The following CHST9 variants were observed in gnomAD, a reference collection of about 807,000 sequenced individuals.
CHST9 encodes carbohydrate sulfotransferase 9.
Under a neutral mutation model 44.4 loss-of-function variants are expected in CHST9, and 41 were observed. That is an observed-to-expected ratio of 0.92 (90% CI 0.72 to 1.20). The LOEUF is 1.20. CHST9 is among the 50% of genes most tolerant of loss of function. CHST9 has a pLI of 0.00. For missense variants in CHST9, 504 were observed against 516.5 expected (o/e 0.98, Z 0.23); for synonymous variants, 171 against 178.4 (o/e 0.96, Z 0.33).
In CHST9 at chr18:26,908,466, A is replaced by G. The variant is rs1447845353; in HGVS notation, c.*7793T>C. 1 of 152,176 alleles carries G rather than the reference A, an allele frequency of 6.6e-6. No individual in the cohort carries two copies. The highest frequency in any genetic ancestry group is 1.5e-5 in the Non-Finnish European group (1 of 68,030). The allele number at this position is 152,176 out of a possible 1,614,324, so 9.4% of individuals were successfully genotyped here. On this transcript the variant is annotated 3_prime_UTR_variant, in exon 6 of 6. Coordinates refer to ENST00000618847, the MANE Select transcript of CHST9 (RefSeq NM_031422.6). ...GGAGGGATAGGAAAATATTCATTAA[A>G]AGGATACCAAAAAATGATAAGGTGA... is the stretch of plus-strand genomic sequence containing the variant.
chr18:26,907,649 C>G lies in CHST9; in HGVS notation c.*8610G>C, dbSNP rs1452148851. ...AAGAGGAATAAAGGACACTTCAGGT[C>G]GTGTAATAGTGTGAGCAAAATAGGG... On this transcript the variant is annotated 3_prime_UTR_variant, in exon 6 of 6. Coordinates refer to ENST00000618847, the MANE Select transcript of CHST9 (RefSeq NM_031422.6). 1 of 152,232 alleles carries G rather than the reference C, an allele frequency of 6.6e-6. No homozygotes were observed. The highest frequency in any genetic ancestry group is 1.5e-5 in the Non-Finnish European group (1 of 68,334). 9.4% of individuals were successfully genotyped at this position (152,232 alleles called of 1,614,324 possible).
chr18:27,025,904 T>C (rs530744540), intron 3 of CHST9, among the ~76,000 whole-genome samples: 21 of 152,316 alleles, frequency 1.4e-4, no homozygotes, highest in Admixed American at 6.5e-5. Flanking sequence ...TCATTATTTA[T>C]GCAGGCTGTC....
chr18:27,063,806 T>C (rs1568157207), intron 2 of CHST9, among the ~76,000 whole-genome samples: 1 of 152,124 alleles, frequency 6.6e-6, no homozygotes, highest in Non-Finnish European at 1.5e-5. Context: ...ATTACATGTG[T>C]GGTTTTTTTT....
chr18:27,082,714 G>T (rs1374845283), intron 2 of CHST9, among the ~76,000 whole-genome samples: 2 of 152,088 alleles, frequency 1.3e-5, no homozygotes, highest in African/African-American at 4.8e-5. Context: ...CAATACACAA[G>T]AAAAAGATAT....
intron 5 of CHST9, among the ~76,000 whole-genome samples, chr18:26,936,975 C>T (rs1354567819): frequency 4.6e-5 from 7 of 152,106 alleles, no homozygotes; most frequent in Non-Finnish European, 8.8e-5. Context: ...ACTGTTATTA[C>T]TAACAATAAA....
chr18:27,048,144 T>C (rs961331708), intron 3 of CHST9, among the ~76,000 whole-genome samples: 10 of 152,274 alleles, frequency 6.6e-5, no homozygotes, highest in Non-Finnish European at 1.2e-4. Context: ...AGTAAACTGG[T>C]TGTCAACTAT....
rs2057577030 is a variant in CHST9 at position 27,052,280 on chromosome 18, ATATATATG to A, written c.122-3785_122-3778del. On this transcript the variant is annotated intron_variant, in intron 2 of 5. Coordinates refer to ENST00000618847, the MANE Select transcript of CHST9 (RefSeq NM_031422.6). ...TATATATATATGTGTATATATATGT[ATATATATG>A]TGTGTATATATGTATATATGTGTGT... 1.0e-4 allele frequency among the ~76,000 whole-genome samples: 7 copies of A among 69,348 alleles called. No homozygotes were observed. The South Asian group carries it at 1.7e-3, about 17-fold the overall frequency. The allele number at this position is 69,348 out of a possible 152,430, so 45.5% of individuals were successfully genotyped here. A position where few individuals can be genotyped will look rare whatever the true frequency, so the allele number is the denominator to read the frequency against.
intron 4 of CHST9, among the ~76,000 whole-genome samples, chr18:26,968,919 T>A (rs2145165073): frequency 6.6e-6 from 1 of 152,310 alleles, no homozygotes; most frequent in East Asian, 1.9e-4. Context: ...ACCACTTCAC[T>A]TACACAAAAT....
intron 4 of CHST9, among the ~76,000 whole-genome samples, chr18:26,981,854 C>A (rs1201721583): frequency 6.6e-6 from 1 of 152,146 alleles, no homozygotes; most frequent in Non-Finnish European, 1.5e-5. Flanking sequence ...TGAATCCAGT[C>A]CATTTTCCTC....
At chr18:27,074,147 G>A (rs1419323952) in intron 2 of CHST9, among the ~76,000 whole-genome samples, 2 of 152,178 alleles carry the variant, frequency 1.3e-5, no homozygotes, top group Non-Finnish European at 2.9e-5. Context: ...CTTCAAATGT[G>A]TGAAACTTTA....
At chr18:27,074,768 G>A (rs1251627659) in intron 2 of CHST9, among the ~76,000 whole-genome samples, 1 of 149,468 alleles carries the variant, frequency 6.7e-6, no homozygotes, top group Non-Finnish European at 1.5e-5. Context: ...ATGTCAATAT[G>A]TTACATTTAT....
Position 26,913,961 on chromosome 18 carries a change from A to G in CHST9, c.*2298T>C, listed in dbSNP as rs2055476447. 1 of 152,210 alleles carries G rather than the reference A, an allele frequency of 6.6e-6. No individual in the cohort carries two copies. The highest frequency in any genetic ancestry group is 2.4e-5 in the African/African-American group (1 of 41,452). The allele number at this position is 152,210 out of a possible 1,614,324, so 9.4% of individuals were successfully genotyped here. ...TTGTTCTTACTTGGCAAAGACATGC[A>G]TGGCTTTTGGAACTTGCAACTACAC... On this transcript the variant is annotated 3_prime_UTR_variant, in exon 6 of 6. Coordinates refer to ENST00000618847, the MANE Select transcript of CHST9 (RefSeq NM_031422.6).
At chr18:27,017,392 G>T (rs147740419) in intron 4 of CHST9, among the ~76,000 whole-genome samples, 4,488 of 152,240 alleles carry the variant, frequency 0.029, 125 homozygotes, top group Middle Eastern at 0.048. Flanking sequence ...TAAGTAATTT[G>T]TAATGTAGTC....
chr18:27,115,206 T>C (rs1171966169), intron 2 of CHST9, among the ~76,000 whole-genome samples: 2 of 152,204 alleles, frequency 1.3e-5, no homozygotes, highest in Admixed American at 1.3e-4. Context: ...TCTTGGGTGT[T>C]TCTTCATAGC....
At chr18:27,050,448 T>G (rs1351694488) in intron 2 of CHST9, among the ~76,000 whole-genome samples, 1 of 152,182 alleles carries the variant, frequency 6.6e-6, no homozygotes, top group Non-Finnish European at 1.5e-5. Flanking sequence ...AGCTAGTTAC[T>G]GAGAAGTTAG....
chr18:27,102,381 T>G (rs188178806), intron 2 of CHST9, among the ~76,000 whole-genome samples: 26 of 152,276 alleles, frequency 1.7e-4, no homozygotes, highest in Admixed American at 1.7e-3. Context: ...GATTAAGGCT[T>G]GAGAAACAAG....
intron 2 of CHST9, among the ~76,000 whole-genome samples, chr18:27,121,134 C>T (rs2143808863): frequency 6.6e-6 from 1 of 152,262 alleles, no homozygotes; most frequent in East Asian, 1.9e-4. Flanking sequence ...TCTCCAGCAG[C>T]TGGGACTACA....
intron 4 of CHST9, among the ~76,000 whole-genome samples, chr18:26,999,898 G>A (rs1425377022): frequency 6.6e-6 from 1 of 152,188 alleles, no homozygotes; most frequent in Non-Finnish European, 1.5e-5. Flanking sequence ...TAGACGTTAA[G>A]TGGGACAGTG....
In CHST9 at chr18:27,181,818, T is replaced by C. The variant is rs146818646; in HGVS notation, c.-97+3318A>G. Among the ~76,000 whole-genome samples the C allele has an allele frequency of 1.1e-4, 17 of 152,346 alleles. No individual in the cohort carries two copies. In the East Asian group the frequency reaches 3.1e-3, roughly 28 times the overall value. On this transcript the variant is annotated intron_variant, in intron 1 of 5. Coordinates refer to ENST00000618847, the MANE Select transcript of CHST9 (RefSeq NM_031422.6). ...CATTAAACAGGCATACAATCAAGTC[T>C]TGCTTATCTTTCTTTGAATTACATA...
Sources: gnomAD v4.1 joint callset for allele counts (sites outside exome capture counted in the v4.1 genomes callset) on GRCh38, gnomAD v4.1.1 for gene constraint, MANE v1.5 for transcripts, NCBI Gene and HGNC (gene_info 2026-07-23, HGNC 2026-07-21) for gene names.